GPC5: variants seen among roughly 807,000 people sequenced by gnomAD.
The protein encoded by GPC5 is glypican 5, also known as glypican-5.
Under a neutral mutation model 53.9 loss-of-function variants are expected in GPC5, and 47 were observed. The ratio of observed to expected loss-of-function variants is 0.87; its 90% CI spans 0.69 to 1.11. GPC5 has a LOEUF of 1.11. Ranked by LOEUF, GPC5 falls within the 50% of genes most tolerant of loss-of-function variation. GPC5 has a pLI of 0.00. For synonymous variants in GPC5, 286 were observed against 263.3 expected, an observed-to-expected ratio of 1.09 and a Z score of -0.84; for missense variants, 748 against 713.1, an observed-to-expected ratio of 1.05 and a Z score of -0.56.
At chr13:91,586,690 C>G (rs2032610089) in intron 2 of GPC5, among the ~76,000 whole-genome samples, 1 of 148,394 alleles carries the variant, frequency 6.7e-6, no homozygotes, top group South Asian at 2.2e-4. Flanking sequence ...AATCACCCCC[C>G]AGCAGGTCCC....
chr13:92,576,993 T>G (rs766905553), intron 7 of GPC5, among the ~76,000 whole-genome samples: 18 of 152,186 alleles, frequency 1.2e-4, no homozygotes, highest in Non-Finnish European at 2.9e-5. Flanking sequence ...GATGTAATCT[T>G]CAAGATAAAA....
intron 6 of GPC5, among the ~76,000 whole-genome samples, chr13:92,004,458 T>TTGTATATATATATATA (rs1491510192): frequency 1.2e-5 from 1 of 82,528 alleles, no homozygotes; most frequent in African/African-American, 5.8e-5. Context: ...AAAAAAAAAA[T>TTGTATATATATATATA]TATATATATA....
intron 2 of GPC5, among the ~76,000 whole-genome samples, chr13:91,666,234 A>G (rs9583952): frequency 0.25 from 38,301 of 152,130 alleles, 6,694 homozygotes; most frequent in African/African-American, 0.49. Context: ...TGATCTCTCA[A>G]GAGAATGAGT....
intron 6 of GPC5, among the ~76,000 whole-genome samples, chr13:91,914,937 A>G (rs2039644545): frequency 1.3e-5 from 2 of 152,212 alleles, no homozygotes; most frequent in Non-Finnish European, 2.9e-5. Context: ...CGAATGAGTT[A>G]ATCATAATTG....
intron 2 of GPC5, among the ~76,000 whole-genome samples, chr13:91,629,271 T>G (rs539156424): frequency 6.6e-6 from 1 of 152,296 alleles, no homozygotes; most frequent in Admixed American, 6.5e-5. Flanking sequence ...ACTCTTTCCA[T>G]CCCATTATTA....
chr13:91,686,482 C>T (rs2035625282), intron 2 of GPC5, among the ~76,000 whole-genome samples: 1 of 151,842 alleles, frequency 6.6e-6, no homozygotes, highest in South Asian at 2.1e-4. Context: ...AAACTTTGCA[C>T]ATTTTACTTT....
chr13:92,694,890 G>A (rs537571985), intron 7 of GPC5, among the ~76,000 whole-genome samples: 4 of 152,204 alleles, frequency 2.6e-5, no homozygotes, highest in Admixed American at 6.5e-5. Flanking sequence ...TAATCCCCAC[G>A]TGTTGAGGGA....
chr13:92,423,080 T>C (rs1053138403), intron 7 of GPC5, among the ~76,000 whole-genome samples: 1 of 150,878 alleles, frequency 6.6e-6, no homozygotes, highest in Non-Finnish European at 1.5e-5. Flanking sequence ...TCCTGGTTCA[T>C]AGATGACTAT....
At chr13:92,505,735 C>A (rs901392479) in intron 7 of GPC5, among the ~76,000 whole-genome samples, 1 of 152,028 alleles carries the variant, frequency 6.6e-6, no homozygotes, top group Non-Finnish European at 1.5e-5. Flanking sequence ...AATGGATAAG[C>A]AAATTATGAT....
chr13:91,908,644 G>A (rs993446426), intron 6 of GPC5, among the ~76,000 whole-genome samples: 2 of 152,068 alleles, frequency 1.3e-5, no homozygotes, highest in South Asian at 2.1e-4. Flanking sequence ...AATGAAGCAT[G>A]AGCATATTTA....
intron 7 of GPC5, among the ~76,000 whole-genome samples, chr13:92,433,229 G>A (rs1392453778): frequency 6.6e-6 from 1 of 152,050 alleles, no homozygotes; most frequent in Non-Finnish European, 1.5e-5. Flanking sequence ...AAGCACAGAT[G>A]AAGATCAGGT....
intron 6 of GPC5, among the ~76,000 whole-genome samples, chr13:92,074,337 T>C (rs2041236145): frequency 6.6e-6 from 1 of 152,180 alleles, no homozygotes; most frequent in Non-Finnish European, 1.5e-5. Flanking sequence ...GGATAAATAA[T>C]ATATGTTTAG....
chr13:92,468,683 A>G (rs1878795848), intron 7 of GPC5, among the ~76,000 whole-genome samples: 4 of 152,238 alleles, frequency 2.6e-5, no homozygotes, highest in Middle Eastern at 3.4e-3. Flanking sequence ...ACACACACAA[A>G]CACACACATA....
At chr13:92,229,305 T>C (rs2042512648) in intron 7 of GPC5, among the ~76,000 whole-genome samples, 1 of 152,088 alleles carries the variant, frequency 6.6e-6, no homozygotes, top group Non-Finnish European at 1.5e-5. Context: ...ACTGTATTGA[T>C]GAGAAAAGGT....
At chr13:91,435,768 G>T (rs1215726692) in intron 1 of GPC5, among the ~76,000 whole-genome samples, 1 of 152,180 alleles carries the variant, frequency 6.6e-6, no homozygotes, top group Non-Finnish European at 1.5e-5. Context: ...AATGGTACCA[G>T]CTCCTCCTTG....
intron 7 of GPC5, among the ~76,000 whole-genome samples, chr13:92,298,812 C>CA (rs2043056011): frequency 6.6e-6 from 1 of 152,114 alleles, no homozygotes; most frequent in Admixed American, 6.6e-5. Flanking sequence ...TCTGTCTGTC[C>CA]CAGTGAGAGC....
At chr13:91,399,265 C>T in intron 1 of GPC5, 56 bp downstream of exon 1, 1 of 1,562,276 alleles carries the variant, frequency 6.4e-7, no homozygotes, top group Non-Finnish European at 8.7e-7. Flanking sequence ...GGCCTTCGCT[C>T]CCCCAGGCTC....
intron 6 of GPC5, among the ~76,000 whole-genome samples, chr13:91,914,747 C>T (rs2039642776): frequency 7.2e-6 from 1 of 139,666 alleles, no homozygotes; most frequent in African/African-American, 2.6e-5. Flanking sequence ...TAGATGGTTA[C>T]ACAGGTAGTG....
At chr13:91,950,155 A>C (rs978773362) in intron 6 of GPC5, among the ~76,000 whole-genome samples, 12 of 151,980 alleles carry the variant, frequency 7.9e-5, no homozygotes, top group African/African-American at 2.7e-4. Flanking sequence ...AGATTCTGTA[A>C]ATTTTCACTA....
Sources: gnomAD v4.1 joint callset for allele counts (sites outside exome capture counted in the v4.1 genomes callset) on GRCh38, gnomAD v4.1.1 for gene constraint, MANE v1.5 for transcripts, NCBI Gene and HGNC (gene_info 2026-07-23, HGNC 2026-07-21) for gene names.